PARD3: variants seen among roughly 807,000 people sequenced by gnomAD.
PARD3 encodes partitioning defective 3 homolog.
Under a neutral mutation model 155.4 loss-of-function variants are expected in PARD3, and 75 were observed. That is an observed-to-expected ratio of 0.48 (90% CI 0.40 to 0.58). The LOEUF (loss-of-function observed/expected upper bound fraction) is 0.58. Ranked by LOEUF, PARD3 falls within the 20% of genes least tolerant of loss-of-function variation. The pLI is 0.00. For missense variants in PARD3, 1,642 were observed against 1,721.7 expected, an observed-to-expected ratio of 0.95 and a Z score of 0.82; for synonymous variants, 576 against 610.5, an observed-to-expected ratio of 0.94 and a Z score of 0.83.
chr10:34,771,523 A>G (rs1838858853), intron 1 of PARD3, among the ~76,000 whole-genome samples: 1 of 152,384 alleles, frequency 6.6e-6, no homozygotes, highest in East Asian at 1.9e-4. Context: ...GTGTTAATGC[A>G]AAACAATTTT....
chr10:34,660,503 A>C (rs909363682), intron 2 of PARD3, among the ~76,000 whole-genome samples: 1 of 152,122 alleles, frequency 6.6e-6, no homozygotes, highest in Non-Finnish European at 1.5e-5. Context: ...GGGCTGCACT[A>C]CACACCTGGG....
chr10:34,412,166 C>T (rs951772437), intron 5 of PARD3, among the ~76,000 whole-genome samples: 2 of 151,994 alleles, frequency 1.3e-5, no homozygotes, highest in African/African-American at 4.8e-5. Context: ...TCTCAGTATG[C>T]TGCCCATTTT....
chr10:34,360,622 A>T (rs1191275061), intron 12 of PARD3, among the ~76,000 whole-genome samples: 3 of 152,210 alleles, frequency 2.0e-5, no homozygotes, highest in Admixed American at 2.0e-4. Context: ...GGGAGTAAAA[A>T]TAAATAAATA....
chr10:34,152,045 G>T (rs1948806330), intron 22 of PARD3, among the ~76,000 whole-genome samples: 1 of 152,064 alleles, frequency 6.6e-6, no homozygotes, highest in Admixed American at 6.6e-5. Flanking sequence ...GACCAAAAAT[G>T]GCTCTGCAGA....
intron 22 of PARD3, among the ~76,000 whole-genome samples, chr10:34,241,747 A>C (rs182780635): frequency 6.6e-6 from 1 of 152,302 alleles, no homozygotes; most frequent in East Asian, 1.9e-4. Context: ...CATGGAATTC[A>C]GGAGGGAGCG....
intron 22 of PARD3, among the ~76,000 whole-genome samples, chr10:34,243,700 T>A (rs1660639): frequency 1.3e-5 from 2 of 151,640 alleles, no homozygotes; most frequent in Non-Finnish European, 2.9e-5. Context: ...GCTGGGTGTG[T>A]CGGCGCGCAC....
intron 14 of PARD3, among the ~76,000 whole-genome samples, chr10:34,353,551 C>A (rs1838427893): frequency 6.6e-6 from 1 of 152,080 alleles, no homozygotes; most frequent in South Asian, 2.1e-4. Context: ...ACTCCCTAAT[C>A]TCAAGTACCC....
chr10:34,496,044 A>G (rs1324245097), intron 3 of PARD3, among the ~76,000 whole-genome samples: 1 of 151,956 alleles, frequency 6.6e-6, no homozygotes, highest in Non-Finnish European at 1.5e-5. Context: ...CTCTGCAAAA[A>G]TACAAATATT....
intron 22 of PARD3, among the ~76,000 whole-genome samples, chr10:34,176,947 TTGTGTGTG>T (rs55740137): frequency 6.7e-6 from 1 of 149,470 alleles, no homozygotes; most frequent in Non-Finnish European, 1.5e-5. Flanking sequence ...GAGAAGCAGG[TTGTGTGTG>T]TGTGTGTGTG....
intron 3 of PARD3, among the ~76,000 whole-genome samples, chr10:34,496,619 C>G (rs773988): frequency 6.6e-6 from 1 of 151,966 alleles, no homozygotes; most frequent in Non-Finnish European, 1.5e-5. Context: ...ATGGATTCAG[C>G]GAAGTCAAGA....
chr10:34,368,313 G>A (rs1474181817), intron 12 of PARD3, among the ~76,000 whole-genome samples: 1 of 152,164 alleles, frequency 6.6e-6, no homozygotes, highest in Admixed American at 6.5e-5. Context: ...TCCGGTTAGG[G>A]TAAGCCTCAT....
chr10:34,520,822 C>T (rs547650907), intron 2 of PARD3, among the ~76,000 whole-genome samples: 2 of 152,090 alleles, frequency 1.3e-5, no homozygotes, highest in African/African-American at 4.8e-5. Flanking sequence ...TCAGTTTGAG[C>T]AATAAAACTA....
At chr10:34,779,267 C>G (rs1479309660) in intron 1 of PARD3, among the ~76,000 whole-genome samples, 1 of 151,738 alleles carries the variant, frequency 6.6e-6, no homozygotes, top group Non-Finnish European at 1.5e-5. Flanking sequence ...GATCATGCCA[C>G]TGCACTCCAG....
intron 1 of PARD3, among the ~76,000 whole-genome samples, chr10:34,730,140 A>C (rs560363092): frequency 1.3e-5 from 2 of 152,342 alleles, no homozygotes; most frequent in South Asian, 4.1e-4. Flanking sequence ...ACCTGATACC[A>C]AAATCAGACA....
chr10:34,226,370 T>C (rs1952601603), intron 22 of PARD3, among the ~76,000 whole-genome samples: 1 of 152,058 alleles, frequency 6.6e-6, no homozygotes, highest in Admixed American at 6.5e-5. Flanking sequence ...ACCAACATGG[T>C]GAAACCCCGT....
chr10:34,439,488 C>A (rs1175550217), intron 5 of PARD3, among the ~76,000 whole-genome samples: 3 of 151,288 alleles, frequency 2.0e-5, no homozygotes, highest in Non-Finnish European at 1.5e-5. Context: ...GAGAGAGTTT[C>A]ACTCTGTTGC....
At chr10:34,154,402 C>A (rs961675263) in intron 22 of PARD3, among the ~76,000 whole-genome samples, 4 of 152,222 alleles carry the variant, frequency 2.6e-5, no homozygotes, top group African/African-American at 2.4e-5. Context: ...TCATGGTGAA[C>A]GCCCACACTG....
intron 2 of PARD3, among the ~76,000 whole-genome samples, chr10:34,531,178 T>C (rs1342202483): frequency 6.6e-6 from 1 of 152,214 alleles, no homozygotes; most frequent in Non-Finnish European, 1.5e-5. Context: ...TAAATCCTAG[T>C]GCTTGATCCT....
intron 2 of PARD3, among the ~76,000 whole-genome samples, chr10:34,542,239 GCA>G (rs1399660485): frequency 6.9e-6 from 1 of 144,230 alleles, no homozygotes; most frequent in South Asian, 2.3e-4. Flanking sequence ...GTGTGTGTGT[GCA>G]CACACACACA....
Sources: allele counts gnomAD v4.1 joint callset (sites outside exome capture counted in the v4.1 genomes callset), GRCh38; gene constraint gnomAD v4.1.1; transcripts MANE v1.5; gene names NCBI Gene and HGNC (gene_info 2026-07-23, HGNC 2026-07-21).